Variants in DDAH1 observed in about 807,000 individuals in gnomAD.
DDAH1 encodes dimethylarginine dimethylaminohydrolase 1, also known as N(G),N(G)-dimethylarginine dimethylaminohydrolase 1.
DDAH1 carries 19 observed loss-of-function variants against 28.8 expected under a neutral mutation model. That is an observed-to-expected ratio of 0.66 (90% CI 0.46 to 0.97). The LOEUF (loss-of-function observed/expected upper bound fraction) is 0.97, where lower values mean the gene tolerates loss of function less well. DDAH1 is among the 50% of genes least tolerant of loss of function. The pLI is 0.00. For missense variants in DDAH1, 326 were observed against 375.9 expected (o/e 0.87, Z 1.10); for synonymous variants, 153 against 154.4 (o/e 0.99, Z 0.07).
intron 4 of DDAH1, among the ~76,000 whole-genome samples, chr1:85,343,887 G>GAAATACAGTCTGAGTGATCTCTATTATAT (rs1648667335): frequency 6.6e-6 from 1 of 152,198 alleles, no homozygotes; most frequent in African/African-American, 2.4e-5. Flanking sequence ...AAAACAAGAG[G>GAAATACAGTCTGAGTGATCTCTATTATAT]AAATACAGTC....
intron 1 of DDAH1, among the ~76,000 whole-genome samples, chr1:85,567,740 A>G (rs2100560140): frequency 6.6e-6 from 1 of 152,338 alleles, no homozygotes; most frequent in East Asian, 1.9e-4. Flanking sequence ...GCAAAACCTA[A>G]CAGAAGTAAA....
chr1:85,465,764 A>AC (rs774249902), upstream of DDAH1, among the ~76,000 whole-genome samples: 12 of 151,276 alleles, frequency 7.9e-5, no homozygotes, highest in South Asian at 8.4e-4. Context: ...ACCATCCTCT[A>AC]CCCCCCACCC....
chr1:85,540,360 A>G lies in DDAH1; in HGVS notation c.-123+37624T>C, dbSNP rs114189895. Among the ~76,000 whole-genome samples the G allele has an allele frequency of 4.8e-3, 737 of 152,138 alleles. 4 individuals carry two copies. The highest frequency in any genetic ancestry group is 0.017 in the African/African-American group (691 of 41,520). On this transcript the variant is annotated intron_variant, in intron 1 of 6. Transcript: ENST00000426972. The stretch of plus-strand genomic sequence containing the variant: ...GACTATGAATTCCTCCTTACTCTAC[A>G]TGCCCAAAGACAACCAGGTTTCAAA...
chr1:85,506,603 C>A (rs61785199), intron 1 of DDAH1, among the ~76,000 whole-genome samples: 1 of 152,014 alleles, frequency 6.6e-6, no homozygotes, highest in African/African-American at 2.4e-5. Flanking sequence ...GCCCTCTATG[C>A]GGGCATTTGA....
chr1:85,553,556 G>A (rs1057093790), intron 1 of DDAH1, among the ~76,000 whole-genome samples: 3 of 152,200 alleles, frequency 2.0e-5, no homozygotes, highest in Non-Finnish European at 4.4e-5. Flanking sequence ...CCAGCAAAGG[G>A]CACTATTGCT....
chr1:85,461,807 G>A (rs1655135560), intron 1 of DDAH1, among the ~76,000 whole-genome samples: 1 of 152,152 alleles, frequency 6.6e-6, no homozygotes, highest in South Asian at 2.1e-4. Context: ...CACGTGGTAT[G>A]ATATATATAA....
chr1:85,361,136 G>A (rs1649774385), intron 1 of DDAH1, among the ~76,000 whole-genome samples: 1 of 152,200 alleles, frequency 6.6e-6, no homozygotes, highest in Non-Finnish European at 1.5e-5. Context: ...GCTGAACTCG[G>A]CAGGCTGTCC....
At chr1:85,403,594 T>C (rs1652259287) in intron 1 of DDAH1, among the ~76,000 whole-genome samples, 1 of 152,174 alleles carries the variant, frequency 6.6e-6, no homozygotes, top group Non-Finnish European at 1.5e-5. Context: ...CCTTAGTCAA[T>C]ATAACGCTGA....
At chr1:85,470,835 C>T (rs957925345) in intron 2 of DDAH1, among the ~76,000 whole-genome samples, 2 of 152,064 alleles carry the variant, frequency 1.3e-5, no homozygotes, top group African/African-American at 4.8e-5. Context: ...TCTGGGGTTT[C>T]GTTCATTGAA....
chr1:85,384,295 A>C (rs1392682942), intron 1 of DDAH1, among the ~76,000 whole-genome samples: 1 of 152,122 alleles, frequency 6.6e-6, no homozygotes, highest in African/African-American at 2.4e-5. Context: ...AATCCTGCAT[A>C]TCTCTGGAAT....
intron 1 of DDAH1, among the ~76,000 whole-genome samples, chr1:85,363,504 C>CAG (rs1649896804): frequency 6.6e-6 from 1 of 152,188 alleles, no homozygotes; most frequent in East Asian, 1.9e-4. Context: ...TGTCTAGCTC[C>CAG]AGAGAGTTGA....
intron 1 of DDAH1, among the ~76,000 whole-genome samples, chr1:85,525,793 G>T (rs574086964): frequency 1.7e-4 from 26 of 152,196 alleles, no homozygotes; most frequent in African/African-American, 6.3e-4. Flanking sequence ...TTCCGGGTGA[G>T]CTCACAGGTT....
At chr1:85,465,235 C>T (rs778269477), upstream of DDAH1, 6 of 1,103,012 alleles carry the variant, frequency 5.4e-6, no homozygotes, top group African/African-American at 1.7e-5. Context: ...GGGCGCCGGC[C>T]CGCGCGCATC....
chr1:85,451,191 G>A (rs1387018852), intron 1 of DDAH1, among the ~76,000 whole-genome samples: 1 of 152,158 alleles, frequency 6.6e-6, no homozygotes, highest in Non-Finnish European at 1.5e-5. Flanking sequence ...GCCAACTGCT[G>A]GACAGAATCT....
chr1:85,376,215 T>C (rs1407306097), intron 1 of DDAH1, among the ~76,000 whole-genome samples: 3 of 152,212 alleles, frequency 2.0e-5, no homozygotes, highest in African/African-American at 4.8e-5. Context: ...CTATTGTAAA[T>C]GGCTTATTAA....
chr1:85,577,907 G>T, intron 1 of DDAH1: 1 of 914,566 alleles, frequency 1.1e-6, no homozygotes. Flanking sequence ...ATTTCCTCCT[G>T]GGGCACCCGT....
chr1:85,418,973 G>A (rs1653009339), intron 1 of DDAH1, among the ~76,000 whole-genome samples: 1 of 152,124 alleles, frequency 6.6e-6, no homozygotes, highest in Non-Finnish European at 1.5e-5. Flanking sequence ...AAGAGGGAAA[G>A]AGCCTTCCAT....
intron 4 of DDAH1, among the ~76,000 whole-genome samples, chr1:85,329,418 A>T (rs1557466156): frequency 6.6e-6 from 1 of 152,132 alleles, no homozygotes; most frequent in South Asian, 2.1e-4. Flanking sequence ...TGAAATTGTA[A>T]TCACTCTTCA....
intron 1 of DDAH1, among the ~76,000 whole-genome samples, chr1:85,572,580 A>G (rs1659491854): frequency 6.6e-6 from 1 of 152,218 alleles, no homozygotes; most frequent in African/African-American, 2.4e-5. Context: ...GAGATTGTGT[A>G]TACTAACCAT....
Sources: allele counts gnomAD v4.1 joint callset (sites outside exome capture counted in the v4.1 genomes callset), GRCh38; gene constraint gnomAD v4.1.1; transcripts MANE v1.5; gene names NCBI Gene and HGNC (gene_info 2026-07-23, HGNC 2026-07-21).